The following MALSU1 variants were observed in gnomAD, a reference collection of about 807,000 sequenced individuals.
MALSU1 encodes mitochondrial assembly of ribosomal large subunit 1.
MALSU1 carries 22 observed loss-of-function variants against 22.1 expected under a neutral mutation model. The observed-to-expected ratio is 1.00, with a 90% CI of 0.71 to 1.42. MALSU1 has a LOEUF of 1.42. Among genes scored for constraint, MALSU1 ranks in the 40% most tolerant of loss-of-function variants. The pLI, the probability that MALSU1 is intolerant of heterozygous loss-of-function variation, is 0.00. For missense variants in MALSU1, 379 were observed against 308.3 expected (o/e 1.23, Z -1.72); for synonymous variants, 153 against 118.5 (o/e 1.29, Z -1.89).
Position 23,309,324 on chromosome 7 carries a change from CCTTCATTGTATCT to C in MALSU1, c.518-28_518-16del, listed in dbSNP as rs1475593879. The stretch of plus-strand genomic sequence containing the variant: ...TAAGAATAAAAGCAAATGAACTATT[CCTTCATTGTATCT>C]CTTATCTGTCCCTGACAGGCAGCAT... On this transcript the variant is annotated intron_variant, in intron 3 of 3. Coordinates refer to ENST00000466681, the MANE Select transcript of MALSU1 (RefSeq NM_138446.2). 1.3e-6 allele frequency: 2 copies of C among 1,553,126 alleles called. No individual in the cohort carries two copies. The highest frequency in any genetic ancestry group is 8.8e-7 in the Non-Finnish European group (1 of 1,142,570).
chr7:23,300,214 GA>G (rs1034243618), intron 1 of MALSU1, among the ~76,000 whole-genome samples: 2 of 151,730 alleles, frequency 1.3e-5, no homozygotes, highest in East Asian at 1.9e-4. Context: ...ATCTTTACGG[GA>G]AAAAAAATTA....
intron 2 of MALSU1, among the ~76,000 whole-genome samples, chr7:23,304,743 T>C (rs1444968500): frequency 6.6e-6 from 1 of 152,218 alleles, no homozygotes; most frequent in African/African-American, 2.4e-5. Context: ...GGTCTCACTA[T>C]ATTGCCCAGA....
At chr7:23,304,503 T>G (rs1783698183) in intron 2 of MALSU1, among the ~76,000 whole-genome samples, 1 of 152,196 alleles carries the variant, frequency 6.6e-6, no homozygotes, top group South Asian at 2.1e-4. Flanking sequence ...CCTTTGCTTT[T>G]TTGTTTGTTT....
intron 2 of MALSU1, among the ~76,000 whole-genome samples, chr7:23,301,567 ATATTT>A (rs1282150516): frequency 6.6e-6 from 1 of 152,214 alleles, no homozygotes; most frequent in African/African-American, 2.4e-5. Context: ...CCGGAAAATA[ATATTT>A]TATAACCTGA....
chr7:23,300,961 G>A lies in MALSU1; in HGVS notation c.379G>A (p.Val127Ile), dbSNP rs890036263. ...GAGATATACAGATTACTTTGTGATT[G>A]TTAGTGGAACTTCTACCCGACACTT... ...EMRYTDYFVI[V>I]SGTSTRHLHA... The change falls in exon 2 of 4, where the codon GTT (valine) becomes ATT (isoleucine). Residue 127 changes from valine to isoleucine, a missense_variant. Val to Ile is a conservative substitution (Grantham distance 29). Coordinates refer to ENST00000466681, the MANE Select transcript of MALSU1 (RefSeq NM_138446.2). The A allele has an allele frequency of 1.3e-5, 21 of 1,613,918 alleles. No individual in the cohort carries two copies. Among genetic ancestry groups the A allele is most frequent in the Non-Finnish European group, 1.8e-5 (21 of 1,179,986 alleles).
intron 2 of MALSU1, among the ~76,000 whole-genome samples, chr7:23,304,560 T>C (rs1783699994): frequency 6.6e-6 from 1 of 152,194 alleles, no homozygotes; most frequent in African/African-American, 2.4e-5. Flanking sequence ...AGTGCAGTGG[T>C]GTGGTCATAG....
intron 2 of MALSU1, among the ~76,000 whole-genome samples, chr7:23,306,612 A>C (rs1021991592): frequency 1.3e-5 from 2 of 152,080 alleles, no homozygotes; most frequent in African/African-American, 4.8e-5. Flanking sequence ...ATTTCCTTTT[A>C]TGCCCACTTT....
chr7:23,309,313 A>G (rs762179093), intron 3 of MALSU1, 43 bp from the exon 4 acceptor site: 1 of 1,533,938 alleles, frequency 6.5e-7, no homozygotes, highest in Admixed American at 2.0e-5. Context: ...AATAAAAGCA[A>G]ATGAACTATT....
chr7:23,299,600 A>G lies in MALSU1; in HGVS notation c.248A>G (p.Asp83Gly). Residue 83 changes from aspartate (D) to glycine (G), a missense_variant, in exon 1 of 4, where the codon GAC becomes GGC. Physicochemically the swap from Asp to Gly is moderately conservative, Grantham distance 94. Coordinates refer to ENST00000466681, the MANE Select transcript of MALSU1 (RefSeq NM_138446.2). Reference sequence around the variant, plus strand: ...GTCAACGAGGGACGCCCAGAATCGGACGCGGCAGGTACGGGCGTGGAGAAG... The same window carrying G: ...GTCAACGAGGGACGCCCAGAATCGGGCGCGGCAGGTACGGGCGTGGAGAAG... ...GTVNEGRPES[D>G]AADHTGPKFD... is the part of the protein sequence containing the mutation. The G allele has an allele frequency of 6.3e-7, 1 of 1,584,848 alleles. No homozygotes were observed. Among genetic ancestry groups the G allele is most frequent in the Non-Finnish European group, 8.6e-7 (1 of 1,165,876 alleles).
rs775744841 is a variant in MALSU1 at position 23,299,467 on chromosome 7, G to A, written c.115G>A (p.Val39Met). The change falls in exon 1 of 4, where the codon GTG becomes ATG. Residue 39 changes from valine (V) to methionine (M), a missense_variant. By Grantham distance (21) the Val-to-Met change is conservative. Coordinates refer to ENST00000466681, the MANE Select transcript of MALSU1 (RefSeq NM_138446.2). ...GAEPGLRLLA[V>M]QRLPVGAAFC... ...CGAGCCCGGGCTTCGGCTGCTGGCC[G>A]TGCAGCGGCTTCCCGTAGGAGCAGC... 6.2e-7 allele frequency: 1 copy of A among 1,609,288 alleles called. No homozygotes were observed. Among genetic ancestry groups the A allele is most frequent in the Non-Finnish European group, 8.5e-7 (1 of 1,179,546 alleles).
intron 2 of MALSU1, among the ~76,000 whole-genome samples, chr7:23,306,612 A>G (rs1021991592): frequency 5.9e-5 from 9 of 152,198 alleles, no homozygotes; most frequent in African/African-American, 2.2e-4. Context: ...ATTTCCTTTT[A>G]TGCCCACTTT....
intron 2 of MALSU1, 61 bp from the exon 3 acceptor site, chr7:23,307,807 T>G: frequency 9.6e-7 from 1 of 1,042,546 alleles, no homozygotes; most frequent in South Asian, 1.4e-5. Flanking sequence ...AAAAAGACCT[T>G]CAGCAAGAAC....
intron 3 of MALSU1, among the ~76,000 whole-genome samples, chr7:23,308,400 T>C (rs1292618661): frequency 1.3e-5 from 2 of 152,306 alleles, no homozygotes; most frequent in African/African-American, 4.8e-5. Flanking sequence ...ACTTTGGGTA[T>C]TAATGTGTAC....
intron 2 of MALSU1, among the ~76,000 whole-genome samples, chr7:23,303,813 GAA>G (rs57849044): frequency 0.022 from 2,448 of 110,804 alleles, 64 homozygotes; most frequent in African/African-American, 0.079. Flanking sequence ...TGTCTCAAAA[GAA>G]AAAAAAAAAA....
chr7:23,306,077 C>G (rs879735677), intron 2 of MALSU1, among the ~76,000 whole-genome samples: 4 of 152,096 alleles, frequency 2.6e-5, no homozygotes, highest in African/African-American at 4.8e-5. Context: ...GCCTGTAATC[C>G]CGGCTACTTG....
At chr7:23,305,180 A>G (rs77576132) in intron 2 of MALSU1, among the ~76,000 whole-genome samples, 1 of 152,078 alleles carries the variant, frequency 6.6e-6, no homozygotes, top group Admixed American at 6.5e-5. Context: ...TCTTGGCTCC[A>G]TTGTTGAAAA....
Position 23,309,639 on chromosome 7 carries a change from C to T in MALSU1, c.*96C>T. On this transcript the variant is annotated 3_prime_UTR_variant, in exon 4 of 4. Transcript: ENST00000466681. Reference sequence around the variant, plus strand: ...AGTCCGTCTCCTTGGTTAGGCTGCTCTTAGGACAAGGCTTGTGTACCTCAT... The same window carrying T: ...AGTCCGTCTCCTTGGTTAGGCTGCTTTTAGGACAAGGCTTGTGTACCTCAT... 9.9e-7 allele frequency: 1 copy of T among 1,005,972 alleles called. No individual in the cohort carries two copies. The highest frequency in any genetic ancestry group is 1.4e-6 in the Non-Finnish European group (1 of 705,680). The allele number at this position is 1,005,972 out of a possible 1,614,324, so 62.3% of individuals were successfully genotyped here.
chr7:23,302,771 C>T (rs939701085), intron 2 of MALSU1, among the ~76,000 whole-genome samples: 1 of 152,064 alleles, frequency 6.6e-6, no homozygotes, highest in Non-Finnish European at 1.5e-5. Flanking sequence ...TAACGTAAAA[C>T]CTACCGTTTA....
At chr7:23,301,052 C>T (rs1783638526) in intron 2 of MALSU1, 35 bp downstream of exon 2, 2 of 1,575,574 alleles carry the variant, frequency 1.3e-6, no homozygotes, top group African/African-American at 2.7e-5. Flanking sequence ...GGACCATTAA[C>T]TGAGTGGAAT....
Sources: allele counts gnomAD v4.1 joint callset (sites outside exome capture counted in the v4.1 genomes callset), GRCh38; gene constraint gnomAD v4.1.1; transcripts MANE v1.5; gene names NCBI Gene and HGNC (gene_info 2026-07-23, HGNC 2026-07-21).